The following RAPGEF6 variants were observed in gnomAD, a reference collection of about 807,000 sequenced individuals.
The protein encoded by RAPGEF6 is Rap guanine nucleotide exchange factor 6, also known as PDZ domain containing guanine nucleotide exchange factor (GEF) 2.
In RAPGEF6, 56 loss-of-function variants were observed where a neutral mutation model predicts 171.4. The ratio of observed to expected loss-of-function variants is 0.33; its 90% CI spans 0.26 to 0.41. RAPGEF6 has a LOEUF of 0.41. Among genes scored for constraint, RAPGEF6 ranks in the 10% least tolerant of loss-of-function variants. The pLI is 1.00. For synonymous variants in RAPGEF6, 692 were observed against 650.1 expected (o/e 1.06, Z -0.98); for missense variants, 1,674 against 1,921.4 (o/e 0.87, Z 2.41).
intron 7 of RAPGEF6, among the ~76,000 whole-genome samples, chr5:131,512,428 G>A (rs927545574): frequency 6.0e-5 from 9 of 150,828 alleles, no homozygotes; most frequent in Non-Finnish European, 1.3e-4. Flanking sequence ...TTGTGCAGTG[G>A]TATGATCACA....
chr5:131,508,192 A>C lies in RAPGEF6; in HGVS notation c.821T>G (p.Phe274Cys). ...TGCAAATGCAGGGAGCTGGTGCATA[A>C]ACTCCAGCAATTGTTCTATAAGAAA... The part of the protein sequence containing the change: ...TDDDIEQLLE[F>C]MHQLPAFANM... Residue 274 changes from phenylalanine to cysteine, a missense_variant, in exon 9 of 28, where the codon TTT becomes TGT. Phe to Cys is a radical substitution (Grantham distance 205). Transcript: ENST00000509018. 1 of 1,610,688 alleles carries C rather than the reference A, an allele frequency of 6.2e-7. No individual in the cohort carries two copies. The highest frequency in any genetic ancestry group is 8.5e-7 in the Non-Finnish European group (1 of 1,178,626).
chr5:131,603,721 A>C (rs2150015478), intron 2 of RAPGEF6, among the ~76,000 whole-genome samples: 1 of 152,262 alleles, frequency 6.6e-6, no homozygotes, highest in East Asian at 1.9e-4. Context: ...ATCAGTTTGC[A>C]ATAAAAAATA....
chr5:131,602,292 T>C (rs1348632014), intron 3 of RAPGEF6, among the ~76,000 whole-genome samples: 1 of 152,212 alleles, frequency 6.6e-6, no homozygotes, highest in Non-Finnish European at 1.5e-5. Flanking sequence ...TTGCACGGCA[T>C]GTTACTCTAC....
intron 21 of RAPGEF6, among the ~76,000 whole-genome samples, chr5:131,450,928 G>A (rs1468982799): frequency 1.3e-5 from 2 of 152,064 alleles, no homozygotes; most frequent in East Asian, 3.8e-4. Context: ...CTGAAGTATG[G>A]CTAGTACTTA....
At chr5:131,528,572 A>AG in intron 6 of RAPGEF6, among the ~76,000 whole-genome samples, 1 of 152,056 alleles carries the variant, frequency 6.6e-6, no homozygotes, top group Admixed American at 6.6e-5. Context: ...AGTATTAAAA[A>AG]GTTTTTCAAT....
At chr5:131,481,219 C>T (rs976298030) in intron 15 of RAPGEF6, among the ~76,000 whole-genome samples, 5 of 151,762 alleles carry the variant, frequency 3.3e-5, no homozygotes, top group Non-Finnish European at 7.4e-5. Context: ...GCCACCATGC[C>T]TGGCCCTTTT....
At chr5:131,625,712 AG>A (rs1331200427) in intron 1 of RAPGEF6, among the ~76,000 whole-genome samples, 1 of 151,148 alleles carries the variant, frequency 6.6e-6, no homozygotes, top group Non-Finnish European at 1.5e-5. Context: ...GCTACTCGGG[AG>A]GCTGAGACAA....
chr5:131,442,208 T>C, intron 23 of RAPGEF6, 141 bp downstream of exon 23: 1 of 803,882 alleles, frequency 1.2e-6, no homozygotes, highest in Non-Finnish European at 1.8e-6. Flanking sequence ...CAAAATGAAA[T>C]CAACATTTTT....
rs1339302035 is a variant in RAPGEF6, at chr5:131,446,650, G to A, written c.3254C>T (p.Ala1085Val). ...NSNMLDVQGG[A>V]HKKRARRSSL... The stretch of plus-strand genomic sequence containing the variant: ...GCTGCGGCGTGCCCTTTTTTTGTGA[G>A]CACCTCCCTGAACATCCAGCATGTT... Residue 1085 changes from alanine (A) to valine (V), a missense_variant, in exon 22 of 28, where the codon GCT (alanine) becomes GTT (valine). By Grantham distance (64) the Ala-to-Val change is moderately conservative. Transcript: ENST00000509018. 1.2e-6 allele frequency: 2 copies of A among 1,614,134 alleles called. No homozygotes were observed. The highest frequency in any genetic ancestry group is 1.7e-6 in the Non-Finnish European group (2 of 1,179,988).
At chr5:131,545,587 A>C (rs1760469162) in intron 6 of RAPGEF6, among the ~76,000 whole-genome samples, 1 of 152,226 alleles carries the variant, frequency 6.6e-6, no homozygotes, top group Non-Finnish European at 1.5e-5. Flanking sequence ...TTTGCTACAT[A>C]GCATCCTTAC....
At chr5:131,619,005 C>T (rs1299032954) in intron 1 of RAPGEF6, among the ~76,000 whole-genome samples, 2 of 150,146 alleles carry the variant, frequency 1.3e-5, no homozygotes, top group Non-Finnish European at 3.0e-5. Flanking sequence ...TTCTATAAGG[C>T]AGCCGGCCAG....
chr5:131,493,885 T>C (rs1402721920), intron 13 of RAPGEF6, among the ~76,000 whole-genome samples: 1 of 152,214 alleles, frequency 6.6e-6, no homozygotes, highest in Non-Finnish European at 1.5e-5. Flanking sequence ...AGTACCTCTA[T>C]AACCTTTTAA....
chr5:131,442,602 TAATA>T (rs1032307382), intron 22 of RAPGEF6, 65 bp from the exon 23 acceptor site: 3 of 1,565,558 alleles, frequency 1.9e-6, no homozygotes, highest in Non-Finnish European at 2.6e-6. Context: ...CCACTGGCAA[TAATA>T]AATGGTTACT....
In RAPGEF6 at chr5:131,521,394, T is replaced by C. The variant is rs1315285060; in HGVS notation, c.623A>G (p.Tyr208Cys). 2 of 1,605,546 alleles carry C rather than the reference T, an allele frequency of 1.2e-6. No individual in the cohort carries two copies. The highest frequency in any genetic ancestry group is 2.2e-5 in the East Asian group (1 of 44,750). Reference protein sequence around the residue: ...DSGSSSLSDIYQATESEVGDV... With the variant: ...DSGSSSLSDICQATESEVGDV... ...TACAAATTCCTAAGGTATTACCTGA[T>C]AGATATCAGATAAACTGCTGCTTCC... Residue 208 changes from tyrosine (Y) to cysteine (C), a missense_variant, in exon 7 of 28, where the codon TAT (tyrosine) becomes TGT (cysteine). Tyr to Cys is a radical substitution (Grantham distance 194). Around this residue, in one of 3 missense-constraint regions of RAPGEF6, gnomAD observed 1,116 missense variants for 1,321.5 expected, o/e 0.84. Transcript: ENST00000509018.
chr5:131,436,734 T>C (rs182402745), intron 24 of RAPGEF6, among the ~76,000 whole-genome samples: 85 of 152,330 alleles, frequency 5.6e-4, no homozygotes, highest in Non-Finnish European at 1.0e-3. Context: ...AAAGTAACTA[T>C]GTAGGTCTAG....
At chr5:131,581,832 C>T (rs1464121972) in intron 4 of RAPGEF6, among the ~76,000 whole-genome samples, 5 of 152,104 alleles carry the variant, frequency 3.3e-5, no homozygotes, top group African/African-American at 1.2e-4. Context: ...TTCCTCCCTG[C>T]CCTTGTGAAT....
intron 4 of RAPGEF6, among the ~76,000 whole-genome samples, chr5:131,576,057 A>G (rs1163856255): frequency 7.9e-5 from 12 of 152,120 alleles, no homozygotes; most frequent in Non-Finnish European, 1.5e-5. Context: ...AAACTCCTAC[A>G]ATTACCATTA....
At chr5:131,530,360 T>C (rs1036513667) in intron 6 of RAPGEF6, among the ~76,000 whole-genome samples, 1 of 152,130 alleles carries the variant, frequency 6.6e-6, no homozygotes, top group African/African-American at 2.4e-5. Flanking sequence ...AAGGAAGGCA[T>C]TTATGATTCA....
intron 4 of RAPGEF6, among the ~76,000 whole-genome samples, chr5:131,576,798 C>G (rs1762631189): frequency 6.6e-6 from 1 of 152,124 alleles, no homozygotes; most frequent in Non-Finnish European, 1.5e-5. Context: ...CAGGCTCATT[C>G]TATCTTATCA....
Sources: gnomAD v4.1 joint callset for allele counts (sites outside exome capture counted in the v4.1 genomes callset) on GRCh38, gnomAD v4.1.1 for gene constraint, gnomAD v4.1.1 regional missense constraint, MANE v1.5 for transcripts, NCBI Gene and HGNC (gene_info 2026-07-23, HGNC 2026-07-21) for gene names.